The following PTPN6 variants were observed in gnomAD, a reference collection of about 807,000 sequenced individuals.
The protein encoded by PTPN6 is tyrosine-protein phosphatase non-receptor type 6.
Under a neutral mutation model 81.5 loss-of-function variants are expected in PTPN6, and 18 were observed. The ratio of observed to expected loss-of-function variants is 0.22; its 90% CI spans 0.15 to 0.33. The LOEUF is 0.33. Among genes scored for constraint, PTPN6 ranks in the 10% least tolerant of loss-of-function variants. PTPN6 has a pLI of 1.00. For missense variants in PTPN6, 500 were observed against 794.2 expected (o/e 0.63, Z 4.45); for synonymous variants, 301 against 310.9 (o/e 0.97, Z 0.33).
At chr12:6,946,876 A>G (rs781956977), upstream of PTPN6, 305 of 967,008 alleles carry the variant, frequency 3.2e-4, 1 homozygote, top group Non-Finnish European at 4.3e-4. Flanking sequence ...GGTCCCTATG[A>G]ACTTCCCCTT....
rs1946030022 is a variant in PTPN6 at position 6,956,317 on chromosome 12, G to A, written c.924+96G>A. 2.5e-6 allele frequency: 4 copies of A among 1,609,814 alleles called. No individual in the cohort carries two copies. Among genetic ancestry groups the A allele is most frequent in the Admixed American group, 1.7e-5 (1 of 60,016 alleles). On this transcript the variant is annotated intron_variant, in intron 8 of 15. Transcript: ENST00000318974. This position sits in a 1 kb window ranked among gnomAD's most constrained non-coding sequence, Gnocchi z 4.1. ...GATCCAGAGACAGCTGGGCAAAGCCGAAGCTGGCTTCTTGCATGGGTGAGG... is the reference window on the plus strand; with the variant it reads ...GATCCAGAGACAGCTGGGCAAAGCCAAAGCTGGCTTCTTGCATGGGTGAGG...
Position 6,960,772 on chromosome 12 carries a change from C to T in PTPN6, c.1674-34C>T. 1 of 1,552,432 alleles carries T rather than the reference C, an allele frequency of 6.4e-7. No homozygotes were observed. Among genetic ancestry groups the T allele is most frequent in the Non-Finnish European group, 8.7e-7 (1 of 1,147,362 alleles). ...TGTGCTGTCTCCTGACCTGCACCAA[C>T]TGCCTGTACTTGCCCCCCTGCACCC... On this transcript the variant is annotated intron_variant, in intron 14 of 15. Transcript: ENST00000318974. This position sits in a 1 kb window ranked among gnomAD's most constrained non-coding sequence, Gnocchi z 6.1.
At position 6,952,385 on chromosome 12, in the gene PTPN6, C is replaced by A. The variant is rs1555147923; in HGVS notation, c.326+208C>A. Reference sequence around the variant, plus strand: ...CTAACCTACCACCCTTTCCACCTAACCCCGAGGAAGCCACAGAAAGCTGCC... The same window carrying A: ...CTAACCTACCACCCTTTCCACCTAAACCCGAGGAAGCCACAGAAAGCTGCC... On this transcript the variant is annotated intron_variant, in intron 3 of 15. Coordinates refer to ENST00000318974, the MANE Select transcript of PTPN6 (RefSeq NM_002831.6). The surrounding 1 kb of genome is among the most constrained non-coding windows in gnomAD (Gnocchi z 8.1). 7.8e-6 allele frequency: 5 copies of A among 638,818 alleles called. No individual in the cohort carries two copies. The highest frequency in any genetic ancestry group is 2.8e-5 in the East Asian group (1 of 35,992). The allele number at this position is 638,818 out of a possible 1,614,324, so 39.6% of individuals were successfully genotyped here.
At position 6,955,594 on chromosome 12, in the gene PTPN6, C is replaced by A. The variant is rs1045849676; in HGVS notation, c.748-66C>A. 6.3e-7 allele frequency: 1 copy of A among 1,576,270 alleles called. No homozygotes were observed. The highest frequency in any genetic ancestry group is 8.7e-7 in the Non-Finnish European group (1 of 1,146,146). On this transcript the variant is annotated intron_variant, in intron 6 of 15. Coordinates refer to ENST00000318974, the MANE Select transcript of PTPN6 (RefSeq NM_002831.6). The surrounding 1 kb of genome is among the most constrained non-coding windows in gnomAD (Gnocchi z 7.2). Reference sequence around the variant, plus strand: ...GCCCACCTCTGCTCCTGACCCACCCCACGTGAGCTCCCCCGATGGATGCCC... The same window carrying A: ...GCCCACCTCTGCTCCTGACCCACCCAACGTGAGCTCCCCCGATGGATGCCC...
Position 6,960,537 on chromosome 12 carries a change from G to A in PTPN6, c.1673+102G>A. ...ACAAGTGTTGCAGCTGGGGGGACCTGGCTTCAAGTTCAGGCTTGGTTCTCA... is the reference window on the plus strand; with the variant it reads ...ACAAGTGTTGCAGCTGGGGGGACCTAGCTTCAAGTTCAGGCTTGGTTCTCA... On this transcript the variant is annotated intron_variant, in intron 14 of 15. Coordinates refer to ENST00000318974, the MANE Select transcript of PTPN6 (RefSeq NM_002831.6). The surrounding 1 kb of genome is among the most constrained non-coding windows in gnomAD (Gnocchi z 6.1). 6.9e-7 allele frequency: 1 copy of A among 1,449,870 alleles called. No homozygotes were observed. The highest frequency in any genetic ancestry group is 1.2e-5 in the South Asian group (1 of 83,012). The allele number at this position is 1,449,870 out of a possible 1,614,324, so 89.8% of individuals were successfully genotyped here.
chr12:6,958,145 T>C (rs1332096531), intron 11 of PTPN6, 72 bp downstream of exon 11: 77 of 1,580,522 alleles, frequency 4.9e-5, no homozygotes, highest in Non-Finnish European at 6.4e-5. Flanking sequence ...TGAGCTGTTA[T>C]AAGCAATATA....
chr12:6,946,725 G>C, upstream of PTPN6: 1 of 1,612,506 alleles, frequency 6.2e-7, no homozygotes. Flanking sequence ...CCTACAGAGA[G>C]ATGCTGTCCC....
At position 6,961,288 on chromosome 12, in the gene PTPN6, C is replaced by T. The variant is rs1946135247; in HGVS notation, c.*188C>T. 3.0e-6 allele frequency: 1 copy of T among 330,080 alleles called. No homozygotes were observed. The highest frequency in any genetic ancestry group is 3.9e-5 in the Admixed American group (1 of 25,520). 20.4% of individuals were successfully genotyped at this position (330,080 alleles called of 1,614,324 possible). A position where few individuals can be genotyped will look rare whatever the true frequency, so the allele number is the denominator to read the frequency against. On this transcript the variant is annotated 3_prime_UTR_variant, in exon 16 of 16. Transcript: ENST00000318974. ...CCCAGGCAGGGCCAACCCTTCTCCT[C>T]TTGTAAATAAAGCCCTGGGATCACT...
Position 6,956,543 on chromosome 12 carries a change from C to G in PTPN6, c.1049C>G (p.Thr350Ser). ...GAGAACAGCCGTGTCATCGTCATGA[C>G]CACCCGAGAGGTGGAGAAAGGCCGG... ...WQENSRVIVM[T>S]TREVEKGRNK... Residue 350 changes from threonine to serine, a missense_variant, in exon 9 of 16, where the codon ACC becomes AGC. Physicochemically the swap from Thr to Ser is moderately conservative, Grantham distance 58. Around this residue, in one of 6 missense-constraint regions of PTPN6, gnomAD observed 226 missense variants for 364.4 expected, o/e 0.62. Transcript: ENST00000318974. This position sits in a 1 kb window ranked among gnomAD's most constrained non-coding sequence, Gnocchi z 4.1. 6 of 1,613,910 alleles carry G rather than the reference C, an allele frequency of 3.7e-6. No homozygotes were observed. Among genetic ancestry groups the G allele is most frequent in the Non-Finnish European group, 5.1e-6 (6 of 1,180,014 alleles).
In PTPN6 at chr12:6,955,969, A is replaced by C. The variant is rs1422322651; in HGVS notation, c.845-173A>C. ...GCCCCCTGCTCCCAACCTCCTTGTG[A>C]ACTCCCTCACTCCCTCCATACAGAT... On this transcript the variant is annotated intron_variant, in intron 7 of 15. Transcript: ENST00000318974. This position sits in a 1 kb window ranked among gnomAD's most constrained non-coding sequence, Gnocchi z 7.2. Among the ~76,000 whole-genome samples the C allele has an allele frequency of 6.6e-6, 1 of 150,992 alleles. No homozygotes were observed. The highest frequency in any genetic ancestry group is 6.6e-5 in the Admixed American group (1 of 15,132).
In PTPN6 at chr12:6,960,532, G is replaced by A. The variant is rs1209694521; in HGVS notation, c.1673+97G>A. Reference sequence around the variant, plus strand: ...AGAGGACAAGTGTTGCAGCTGGGGGGACCTGGCTTCAAGTTCAGGCTTGGT... The same window carrying A: ...AGAGGACAAGTGTTGCAGCTGGGGGAACCTGGCTTCAAGTTCAGGCTTGGT... On this transcript the variant is annotated intron_variant, in intron 14 of 15. Transcript: ENST00000318974. The surrounding 1 kb of genome is among the most constrained non-coding windows in gnomAD (Gnocchi z 6.1). 1 of 1,458,038 alleles carries A rather than the reference G, an allele frequency of 6.9e-7. No homozygotes were observed. Among genetic ancestry groups the A allele is most frequent in the Non-Finnish European group, 9.4e-7 (1 of 1,061,244 alleles). The allele number at this position is 1,458,038 out of a possible 1,614,324, so 90.3% of individuals were successfully genotyped here.
rs902708721 is a variant in PTPN6 at position 6,952,488 on chromosome 12, T to C, written c.326+311T>C. The C allele has an allele frequency of 6.2e-6, 3 of 485,208 alleles. No homozygotes were observed. The highest frequency in any genetic ancestry group is 7.6e-6 in the Non-Finnish European group (2 of 264,074). 30.1% of individuals were successfully genotyped at this position (485,208 alleles called of 1,614,324 possible). ...GGGAGGCCACTGCTGGTGGCCAGCA[T>C]GTCGTGCAGGCCAGCTCTGTTGTTA... On this transcript the variant is annotated intron_variant, in intron 3 of 15. Transcript: ENST00000318974. The surrounding 1 kb of genome is among the most constrained non-coding windows in gnomAD (Gnocchi z 8.1).
Position 6,955,620 on chromosome 12 carries a change from T to C in PTPN6, c.748-40T>C. ...ACGTGAGCTCCCCCGATGGATGCCC[T>C]CTTTGGGAGCTGATGCTCATTTCCC... On this transcript the variant is annotated intron_variant, in intron 6 of 15. Transcript: ENST00000318974. This position sits in a 1 kb window ranked among gnomAD's most constrained non-coding sequence, Gnocchi z 7.2. 6.3e-7 allele frequency: 1 copy of C among 1,597,218 alleles called. No individual in the cohort carries two copies. Among genetic ancestry groups the C allele is most frequent in the East Asian group, 2.2e-5 (1 of 44,768 alleles).
upstream of PTPN6, chr12:6,946,820 G>A (rs1290722298): frequency 1.4e-6 from 2 of 1,406,052 alleles, no homozygotes; most frequent in Admixed American, 1.9e-5. Flanking sequence ...TCACTCCGAC[G>A]TGTGTGAACG....
Position 6,960,259 on chromosome 12 carries a change from TGG to T in PTPN6, c.1581+33_1581+34del, listed in dbSNP as rs35119590. ...CTGCAGGTGCGTGCAGAGCAGGGCC[TGG>T]GGGGGGGGGGGGCTGCAGTGCAGGA... On this transcript the variant is annotated intron_variant, in intron 13 of 15. Coordinates refer to ENST00000318974, the MANE Select transcript of PTPN6 (RefSeq NM_002831.6). The surrounding 1 kb of genome is among the most constrained non-coding windows in gnomAD (Gnocchi z 6.1). 679 of 1,143,500 alleles carry T rather than the reference TGG, an allele frequency of 5.9e-4. No homozygotes were observed. Among genetic ancestry groups the T allele is most frequent in the African/African-American group, 2.1e-3 (97 of 45,922 alleles). 70.8% of individuals were successfully genotyped at this position (1,143,500 alleles called of 1,614,324 possible).
rs782384181 is a variant in PTPN6 at position 6,952,221 on chromosome 12, G to A, written c.326+44G>A. On this transcript the variant is annotated intron_variant, in intron 3 of 15. Transcript: ENST00000318974. The surrounding 1 kb of genome is among the most constrained non-coding windows in gnomAD (Gnocchi z 8.1). ...CGCCATTCCCAAGCAGGGATGAGCC[G>A]GCTCCCACCCTGAACAGCCAGGGAG... The A allele has an allele frequency of 9.9e-6, 16 of 1,608,184 alleles. No individual in the cohort carries two copies. The highest frequency in any genetic ancestry group is 5.4e-5 in the African/African-American group (4 of 74,740).
Position 6,956,796 on chromosome 12 carries a change from C to A in PTPN6, c.1074+228C>A, listed in dbSNP as rs782110877. Among the ~76,000 whole-genome samples, 2 of 152,270 alleles carry A rather than the reference C, an allele frequency of 1.3e-5. No homozygotes were observed. The highest frequency in any genetic ancestry group is 4.8e-5 in the African/African-American group (2 of 41,536). ...CCAGACCCAGGTTCCAGGCTGTCCTCCTTCCTCCTACCCCTGCCCCACCTG... is the reference window on the plus strand; with the variant it reads ...CCAGACCCAGGTTCCAGGCTGTCCTACTTCCTCCTACCCCTGCCCCACCTG... On this transcript the variant is annotated intron_variant, in intron 9 of 15. Transcript: ENST00000318974. The surrounding 1 kb of genome is among the most constrained non-coding windows in gnomAD (Gnocchi z 4.1).
Position 6,955,554 on chromosome 12 carries a change from C to A in PTPN6, c.747+69C>A. ...GCAGCGGCCTGGGGCCCCAGGCGGA[C>A]ACCTTCCCCTCCTTGCCCACCTCTG... is the stretch of plus-strand genomic sequence containing the variant. On this transcript the variant is annotated intron_variant, in intron 6 of 15. Coordinates refer to ENST00000318974, the MANE Select transcript of PTPN6 (RefSeq NM_002831.6). This position sits in a 1 kb window ranked among gnomAD's most constrained non-coding sequence, Gnocchi z 7.2. The A allele has an allele frequency of 6.4e-7, 1 of 1,563,926 alleles. No individual in the cohort carries two copies. The highest frequency in any genetic ancestry group is 1.7e-5 in the Admixed American group (1 of 59,816).
rs1168688396 is a variant in PTPN6 at position 6,957,805 on chromosome 12, T to C, written c.1206+20T>C. ...GACAATGTGAGTGGCCCCCACGCCC[T>C]GCCCCATTCCGGGAGTCCCTCCCTG... is the stretch of plus-strand genomic sequence containing the variant. On this transcript the variant is annotated intron_variant, in intron 10 of 15. Coordinates refer to ENST00000318974, the MANE Select transcript of PTPN6 (RefSeq NM_002831.6). This position sits in a 1 kb window ranked among gnomAD's most constrained non-coding sequence, Gnocchi z 6.5. 1.2e-6 allele frequency: 2 copies of C among 1,613,986 alleles called. No individual in the cohort carries two copies. The highest frequency in any genetic ancestry group is 4.5e-5 in the East Asian group (2 of 44,906).
Sources: allele counts gnomAD v4.1 joint callset (sites outside exome capture counted in the v4.1 genomes callset), GRCh38; gene constraint gnomAD v4.1.1; regional missense constraint gnomAD v4.1.1; non-coding constraint Gnocchi (gnomAD v3.1); transcripts MANE v1.5; gene names NCBI Gene and HGNC (gene_info 2026-07-23, HGNC 2026-07-21).